Variants in DEFB131A observed in about 807,000 individuals in gnomAD.
The protein encoded by DEFB131A is beta-defensin 131A.
Under a neutral mutation model 2.4 loss-of-function variants are expected in DEFB131A, and 5 were observed. That is an observed-to-expected ratio of 2.12 (90% CI 1.11 to 4.47). The LOEUF is 4.47. DEFB131A is among the 30% of genes most tolerant of loss of function. The pLI is 0.00. For synonymous variants in DEFB131A, 34 were observed against 25.7 expected, an observed-to-expected ratio of 1.32 and a Z score of -0.97; for missense variants, 120 against 79.9, an observed-to-expected ratio of 1.50 and a Z score of -1.91.
At chr4:9,447,627 C>T (rs962365037) in intron 1 of DEFB131A, among the ~76,000 whole-genome samples, 1 of 151,708 alleles carries the variant, frequency 6.6e-6, no homozygotes, top group African/African-American at 2.4e-5. Context: ...CACATGCATT[C>T]CTGGTGTCTC....
chr4:9,445,117 G>A (rs9685264), intron 1 of DEFB131A, among the ~76,000 whole-genome samples: 3,387 of 151,912 alleles, frequency 0.022, 66 homozygotes, highest in African/African-American at 0.075. Context: ...TTACTTGAGA[G>A]TTATGTTTGA....
intron 1 of DEFB131A, among the ~76,000 whole-genome samples, chr4:9,446,240 T>C (rs1717501684): frequency 6.6e-6 from 1 of 152,122 alleles, no homozygotes. Flanking sequence ...AATAAGTCAA[T>C]TGATAATCTA....
At chr4:9,448,790 G>A (rs1232088936) in intron 1 of DEFB131A, among the ~76,000 whole-genome samples, 1 of 152,138 alleles carries the variant, frequency 6.6e-6, no homozygotes, top group Non-Finnish European at 1.5e-5. Context: ...AGGCAAATGT[G>A]CCCCTTCTTG....
intron 1 of DEFB131A, among the ~76,000 whole-genome samples, chr4:9,448,897 G>A (rs1252952540): frequency 6.6e-6 from 1 of 152,114 alleles, no homozygotes; most frequent in African/African-American, 2.4e-5. Context: ...GTGGGAATGA[G>A]TAAAATCATC....
intron 1 of DEFB131A, 56 bp downstream of exon 1, chr4:9,444,647 C>G (rs1402821505): frequency 1.9e-6 from 3 of 1,544,450 alleles, no homozygotes; most frequent in African/African-American, 1.4e-5. Context: ...AAAGAAAATG[C>G]AAGGTCTTTC....
intron 1 of DEFB131A, among the ~76,000 whole-genome samples, chr4:9,449,135 T>C (rs1247468620): frequency 6.7e-6 from 1 of 150,124 alleles, no homozygotes; most frequent in African/African-American, 2.4e-5. Flanking sequence ...AACAAAAAGA[T>C]GAAAGACTGG....
intron 1 of DEFB131A, among the ~76,000 whole-genome samples, chr4:9,446,280 G>T (rs552396024): frequency 1.3e-5 from 2 of 152,104 alleles, no homozygotes; most frequent in South Asian, 4.1e-4. Flanking sequence ...AGTTTAATAT[G>T]ATTTATTATA....
At position 9,450,500 on chromosome 4, in the gene DEFB131A, C is replaced by G; in HGVS notation, c.199C>G (p.Gln67Glu). The G allele has an allele frequency of 2.5e-6, 4 of 1,609,520 alleles. No homozygotes were observed. Among genetic ancestry groups the G allele is most frequent in the Non-Finnish European group, 3.4e-6 (4 of 1,178,790 alleles). Residue 67 changes from glutamine to glutamate, a missense_variant, in exon 2 of 2, where the codon CAA (glutamine) becomes GAA (glutamate). Transcript: ENST00000334879. ...CKLKIIEIDG[Q>E]KKW Reference sequence around the variant, plus strand: ...ACTGAAGATCATTGAAATTGACGGACAAAAGAAGTGGTGAAAATTCTAACT... The same window carrying G: ...ACTGAAGATCATTGAAATTGACGGAGAAAAGAAGTGGTGAAAATTCTAACT...
rs1717629443 is a variant in DEFB131A, at chr4:9,450,457, C to G, written c.156C>G (p.Asp52Glu). 1.2e-6 allele frequency: 2 copies of G among 1,611,110 alleles called. No homozygotes were observed. The part of the protein sequence containing the change: ...ADEHAIRYCA[D>E]FSICCKLKII... ...AACATGCAATTAGATACTGTGCTGA[C>G]TTCAGCATCTGCTGCAAACTGAAGA... Residue 52 changes from aspartate (D) to glutamate (E), a missense_variant, in exon 2 of 2, where the codon GAC becomes GAG. Transcript: ENST00000334879.
rs182890828 is a variant in DEFB131A at position 9,445,387 on chromosome 4, C to T, written c.58+796C>T. ...TGTATGGTGAGAGTTAAGATTCCAC[C>T]TTAATTTTTAACCACATAACTAGCC... On this transcript the variant is annotated intron_variant, in intron 1 of 1. Coordinates refer to ENST00000334879, the MANE Select transcript of DEFB131A (RefSeq NM_001040448.3). Among the ~76,000 whole-genome samples, 287 of 152,064 alleles carry T rather than the reference C, an allele frequency of 1.9e-3. No homozygotes were observed. The East Asian group carries it at 0.029, about 15-fold the overall frequency.
At chr4:9,448,783 C>A (rs1717571942) in intron 1 of DEFB131A, among the ~76,000 whole-genome samples, 1 of 152,158 alleles carries the variant, frequency 6.6e-6, no homozygotes, top group Non-Finnish European at 1.5e-5. Flanking sequence ...AGGAACAAGG[C>A]AAATGTGCCC....
At chr4:9,446,639 T>C (rs1386708311) in intron 1 of DEFB131A, among the ~76,000 whole-genome samples, 1 of 152,066 alleles carries the variant, frequency 6.6e-6, no homozygotes, top group Non-Finnish European at 1.5e-5. Flanking sequence ...AAGTTTGGAT[T>C]TCATTTTTTC....
intron 1 of DEFB131A, among the ~76,000 whole-genome samples, chr4:9,447,339 A>T (rs1011269152): frequency 6.6e-6 from 1 of 152,164 alleles, no homozygotes; most frequent in African/African-American, 2.4e-5. Flanking sequence ...TTATCATTAT[A>T]TGATGACCTT....
chr4:9,446,121 A>T (rs187939195), intron 1 of DEFB131A, among the ~76,000 whole-genome samples: 5 of 152,252 alleles, frequency 3.3e-5, no homozygotes, highest in Admixed American at 1.3e-4. Flanking sequence ...AATATAAAAC[A>T]CCAACATTCA....
chr4:9,448,212 C>A (rs1717554445), intron 1 of DEFB131A, among the ~76,000 whole-genome samples: 2 of 151,104 alleles, frequency 1.3e-5, no homozygotes, highest in Non-Finnish European at 1.5e-5. Context: ...GGGAAAAAAT[C>A]TTTATCTATG....
At chr4:9,446,428 CA>C (rs1460306632) in intron 1 of DEFB131A, among the ~76,000 whole-genome samples, 8 of 152,008 alleles carry the variant, frequency 5.3e-5, no homozygotes, top group Non-Finnish European at 1.2e-4. Flanking sequence ...TCTTTTATAT[CA>C]GTTGTAATGT....
intron 1 of DEFB131A, among the ~76,000 whole-genome samples, chr4:9,444,843 A>C (rs1439826761): frequency 1.3e-5 from 2 of 151,162 alleles, no homozygotes; most frequent in Non-Finnish European, 2.9e-5. Flanking sequence ...GGGGAGTTTG[A>C]GGTGGGTGAG....
chr4:9,448,727 C>T (rs1390369135), intron 1 of DEFB131A, among the ~76,000 whole-genome samples: 3 of 152,116 alleles, frequency 2.0e-5, no homozygotes, highest in Non-Finnish European at 2.9e-5. Context: ...AGAAATTCTT[C>T]GCTCATACTC....
chr4:9,448,393 G>A (rs537076156), intron 1 of DEFB131A, among the ~76,000 whole-genome samples: 3 of 152,086 alleles, frequency 2.0e-5, no homozygotes, highest in Non-Finnish European at 4.4e-5. Flanking sequence ...TTGTCACCCA[G>A]GCTGGAGTGC....
Sources: gnomAD v4.1 joint callset for allele counts (sites outside exome capture counted in the v4.1 genomes callset) on GRCh38, gnomAD v4.1.1 for gene constraint, MANE v1.5 for transcripts, NCBI Gene and HGNC (gene_info 2026-07-23, HGNC 2026-07-21) for gene names.